VPS13B: variants seen among roughly 807,000 people sequenced by gnomAD.
VPS13B encodes the protein intermembrane lipid transfer protein VPS13B.
A neutral mutation model predicts 426.4 loss-of-function variants in VPS13B; 285 were observed. The observed-to-expected ratio is 0.67, with a 90% CI of 0.61 to 0.74. The LOEUF (loss-of-function observed/expected upper bound fraction) is 0.74. Among genes scored for constraint, VPS13B ranks in the 30% least tolerant of loss-of-function variants. The pLI is 0.00. For synonymous variants in VPS13B, 1,676 were observed against 1,676.4 expected, an observed-to-expected ratio of 1.00 and a Z score of 0.01; for missense variants, 4,537 against 4,782.6, an observed-to-expected ratio of 0.95 and a Z score of 1.51.
At position 99,299,918 on chromosome 8, in the gene VPS13B, AAAC is replaced by A. The variant is rs138237142; in HGVS notation, c.2824+24673_2824+24675del. On this transcript the variant is annotated intron_variant, in intron 19 of 61. Transcript: ENST00000357162. ...GGGCGAAACTCCATCTCAACAACAA[AAAC>A]AACAACAAAGTAAATTTATACTTAA... Among the ~76,000 whole-genome samples the A allele has an allele frequency of 1.4e-3, 215 of 152,262 alleles. 8 individuals are homozygous for A. The East Asian group carries it at 0.036, about 26-fold the overall frequency.
At chr8:99,791,224 GT>G (rs1016238363) in intron 43 of VPS13B, among the ~76,000 whole-genome samples, 12 of 152,166 alleles carry the variant, frequency 7.9e-5, no homozygotes, top group African/African-American at 2.9e-4. Flanking sequence ...TCTTAGAGTG[GT>G]AGTGGTGGGG....
rs1393134785 is a variant in VPS13B at position 99,078,016 on chromosome 8, TG to T, written c.292-18293del. 2.0e-5 allele frequency among the ~76,000 whole-genome samples: 3 copies of T among 152,232 alleles called. No individual in the cohort carries two copies. The East Asian group carries it at 5.8e-4, about 29-fold the overall frequency. On this transcript the variant is annotated intron_variant, in intron 3 of 61. Transcript: ENST00000357162. ...TTTTATTCATTGAGTTTTTCAGTTATGGGATTTTGTTTGGTTGTTTTTTTAA... is the reference window on the plus strand; with the variant it reads ...TTTTATTCATTGAGTTTTTCAGTTATGGATTTTGTTTGGTTGTTTTTTTAA...
At chr8:99,840,447 TTA>T (rs901215294) in intron 54 of VPS13B, among the ~76,000 whole-genome samples, 1 of 152,214 alleles carries the variant, frequency 6.6e-6, no homozygotes, top group African/African-American at 2.4e-5. Context: ...CCTGGTAGCT[TTA>T]TGTCATCCAT....
intron 33 of VPS13B, among the ~76,000 whole-genome samples, chr8:99,635,994 C>G (rs1331229659): frequency 1.3e-5 from 2 of 151,934 alleles, no homozygotes; most frequent in East Asian, 3.8e-4. Context: ...CTTTCAGCAC[C>G]TTCTCCATGG....
At position 99,661,395 on chromosome 8, in the gene VPS13B, G is replaced by A. The variant is rs1303328130; in HGVS notation, c.5950G>A (p.Val1984Ile). ...TLPEALDYCT[V>I]WLQTVPGEID... ...GCCTGAAGCCCTTGATTATTGCACT[G>A]TTTGGCTACAGACAGTGCCTGGAGA... The change falls in exon 35 of 62, where the codon GTT becomes ATT. Residue 1984 changes from valine (V) to isoleucine (I), a missense_variant. By Grantham distance (29) the Val-to-Ile change is conservative. Coordinates refer to ENST00000357162, the MANE Select transcript of VPS13B (RefSeq NM_152564.5). 2.5e-6 allele frequency: 4 copies of A among 1,613,614 alleles called. No homozygotes were observed. Among genetic ancestry groups the A allele is most frequent in the Middle Eastern group, 1.6e-4 (1 of 6,082 alleles).
intron 56 of VPS13B, among the ~76,000 whole-genome samples, chr8:99,858,078 GTCC>G (rs1816644479): frequency 6.6e-6 from 1 of 152,182 alleles, no homozygotes; most frequent in South Asian, 2.1e-4. Context: ...TCACAGGACT[GTCC>G]TCCTCTTCAG....
At chr8:99,028,463 C>T (rs1190512592) in intron 2 of VPS13B, among the ~76,000 whole-genome samples, 3 of 128,708 alleles carry the variant, frequency 2.3e-5, no homozygotes, top group South Asian at 2.7e-4. Flanking sequence ...CCAGTAGGGG[C>T]GGCTGGGCAG....
At chr8:99,377,575 A>G (rs775503500) in intron 19 of VPS13B, among the ~76,000 whole-genome samples, 4 of 152,182 alleles carry the variant, frequency 2.6e-5, no homozygotes, top group Admixed American at 2.6e-4. Context: ...TCATGATTTC[A>G]TAAGTGTGTT....
intron 19 of VPS13B, among the ~76,000 whole-genome samples, chr8:99,361,428 C>T (rs922771363): frequency 6.6e-6 from 1 of 152,162 alleles, no homozygotes; most frequent in East Asian, 1.9e-4. Flanking sequence ...AAAGTAGAAG[C>T]ATTTCCTGCT....
intron 2 of VPS13B, among the ~76,000 whole-genome samples, chr8:99,035,870 T>C (rs535228674): frequency 1.3e-5 from 2 of 152,320 alleles, no homozygotes; most frequent in East Asian, 3.9e-4. Context: ...TATCTCATTG[T>C]GGTTTTTTTA....
At chr8:99,360,274 CCTTCCTT>C (rs1812487789) in intron 19 of VPS13B, among the ~76,000 whole-genome samples, 2 of 139,586 alleles carry the variant, frequency 1.4e-5, no homozygotes, top group Non-Finnish European at 3.1e-5. Flanking sequence ...TTCCTTCCTT[CCTTCCTT>C]CTTTCTTTTT....
At chr8:99,382,911 A>G (rs932697597) in intron 19 of VPS13B, among the ~76,000 whole-genome samples, 6 of 152,148 alleles carry the variant, frequency 3.9e-5, no homozygotes, top group African/African-American at 1.4e-4. Context: ...AGGGGAATGC[A>G]TCAGCTTTTC....
chr8:99,081,897 T>C (rs1349650278), intron 3 of VPS13B, among the ~76,000 whole-genome samples: 1 of 152,136 alleles, frequency 6.6e-6, no homozygotes, highest in Non-Finnish European at 1.5e-5. Flanking sequence ...GTCTTTGCTG[T>C]TGTGAATAGT....
chr8:99,872,506 AG>A (rs1228753028), intron 61 of VPS13B, among the ~76,000 whole-genome samples: 1 of 152,210 alleles, frequency 6.6e-6, no homozygotes, highest in Non-Finnish European at 1.5e-5. Flanking sequence ...TCAAGAGTCA[AG>A]GGGGAGCCCC....
intron 50 of VPS13B, among the ~76,000 whole-genome samples, chr8:99,821,986 C>T (rs1814395959): frequency 6.6e-6 from 1 of 152,140 alleles, no homozygotes; most frequent in South Asian, 2.1e-4. Context: ...GGACTGGTGT[C>T]TATGTTTTTG....
intron 19 of VPS13B, among the ~76,000 whole-genome samples, chr8:99,343,240 C>T (rs1364561149): frequency 1.3e-5 from 2 of 151,734 alleles, no homozygotes; most frequent in East Asian, 1.9e-4. Context: ...ACTACAGGCA[C>T]GCACCACCAT....
intron 19 of VPS13B, among the ~76,000 whole-genome samples, chr8:99,311,999 G>T (rs905016323): frequency 1.8e-4 from 27 of 152,216 alleles, no homozygotes; most frequent in Admixed American, 1.2e-3. Context: ...TTCAACCCCT[G>T]CCTTTTTTTA....
At chr8:99,075,071 G>A (rs1845047799) in intron 3 of VPS13B, among the ~76,000 whole-genome samples, 1 of 152,064 alleles carries the variant, frequency 6.6e-6, no homozygotes, top group Admixed American at 6.6e-5. Context: ...TTCCTTGTAA[G>A]CTTGATAAAT....
At chr8:99,844,734 TG>T (rs1563504359) in intron 54 of VPS13B, among the ~76,000 whole-genome samples, 1 of 152,128 alleles carries the variant, frequency 6.6e-6, no homozygotes, top group African/African-American at 2.4e-5. Context: ...ATCATCACAT[TG>T]GGGGGCTAGA....
Sources: gnomAD v4.1 joint callset for allele counts (sites outside exome capture counted in the v4.1 genomes callset) on GRCh38, gnomAD v4.1.1 for gene constraint, MANE v1.5 for transcripts, NCBI Gene and HGNC (gene_info 2026-07-23, HGNC 2026-07-21) for gene names.